Variants in XPNPEP3 observed in about 807,000 individuals in gnomAD.
XPNPEP3 encodes the protein xaa-Pro aminopeptidase 3.
Under a neutral mutation model 60.0 loss-of-function variants are expected in XPNPEP3, and 41 were observed. That is an observed-to-expected ratio of 0.68 (90% CI 0.53 to 0.89). The LOEUF is 0.89. XPNPEP3 is among the 40% of genes least tolerant of loss of function. The pLI, the probability that XPNPEP3 is intolerant of heterozygous loss-of-function variation, is 0.00. For synonymous variants in XPNPEP3, 212 were observed against 223.2 expected (o/e 0.95, Z 0.45); for missense variants, 598 against 638.9 (o/e 0.94, Z 0.69).
intron 7 of XPNPEP3, among the ~76,000 whole-genome samples, chr22:40,918,681 C>T (rs1482279752): frequency 6.7e-6 from 1 of 150,276 alleles, no homozygotes; most frequent in Non-Finnish European, 1.5e-5. Context: ...GAGACTCCAT[C>T]TCAAAAAAAA....
At chr22:40,905,148 C>T (rs1021923343) in intron 4 of XPNPEP3, among the ~76,000 whole-genome samples, 10 of 151,312 alleles carry the variant, frequency 6.6e-5, no homozygotes, top group Admixed American at 1.3e-4. Flanking sequence ...GGCATAATCT[C>T]GGCTCACTGC....
chr22:40,914,918 C>T (rs1224553487), intron 7 of XPNPEP3, among the ~76,000 whole-genome samples: 6 of 151,914 alleles, frequency 3.9e-5, no homozygotes, highest in East Asian at 1.9e-4. Context: ...TGGGTGTTCA[C>T]GTGCAGGTAT....
intron 9 of XPNPEP3, among the ~76,000 whole-genome samples, chr22:40,924,881 C>A (rs1377604028): frequency 1.3e-5 from 2 of 152,086 alleles, no homozygotes; most frequent in Admixed American, 6.5e-5. Flanking sequence ...AAAAAAAGTC[C>A]AGTGTGGAAG....
chr22:40,861,149 G>A (rs371859969), intron 1 of XPNPEP3: 2 of 1,613,984 alleles, frequency 1.2e-6, no homozygotes, highest in Non-Finnish European at 1.7e-6. Flanking sequence ...CTCCTGCTGA[G>A]AAAATAGGGG....
chr22:40,889,958 C>T (rs929569681), intron 4 of XPNPEP3, among the ~76,000 whole-genome samples: 26 of 152,140 alleles, frequency 1.7e-4, no homozygotes, highest in African/African-American at 5.3e-4. Context: ...GTCCTTTGGC[C>T]TCCTTGATCC....
chr22:40,922,721 T>TACACAC (rs761542482), intron 8 of XPNPEP3, among the ~76,000 whole-genome samples: 17 of 145,386 alleles, frequency 1.2e-4, no homozygotes, highest in African/African-American at 1.9e-4. Flanking sequence ...TGTAGATATA[T>TACACAC]ACACACACAC....
At chr22:40,880,028 C>CAAAAAAA (rs963115248) in intron 2 of XPNPEP3, among the ~76,000 whole-genome samples, 3 of 52,858 alleles carry the variant, frequency 5.7e-5, no homozygotes, top group African/African-American at 1.5e-4. Flanking sequence ...CTCTGTCTCC[C>CAAAAAAA]AAAAAAAAAA....
intron 4 of XPNPEP3, among the ~76,000 whole-genome samples, chr22:40,889,784 A>C (rs918457170): frequency 6.6e-6 from 1 of 152,234 alleles, no homozygotes; most frequent in Non-Finnish European, 1.5e-5. Context: ...AAGTATTATC[A>C]CATCACTGCA....
intron 5 of XPNPEP3, 105 bp from the exon 6 acceptor site, chr22:40,909,017 G>T (rs2058166626): frequency 4.7e-6 from 4 of 855,198 alleles, no homozygotes; most frequent in South Asian, 1.4e-5. Context: ...TCCCAGTAAT[G>T]ACTTAAGATA....
chr22:40,885,247 A>G (rs2058064184), intron 3 of XPNPEP3, among the ~76,000 whole-genome samples: 1 of 152,200 alleles, frequency 6.6e-6, no homozygotes, highest in Non-Finnish European at 1.5e-5. Context: ...TTAGTCATAT[A>G]AAATATTCAG....
chr22:40,862,104 CTT>C, intron 1 of XPNPEP3: 1 of 1,502,612 alleles, frequency 6.7e-7, no homozygotes, highest in Non-Finnish European at 8.8e-7. Flanking sequence ...AATAGGTACA[CTT>C]TTATGTTAAA....
chr22:40,904,769 T>C (rs1274547916), intron 4 of XPNPEP3, among the ~76,000 whole-genome samples: 6 of 152,176 alleles, frequency 3.9e-5, no homozygotes, highest in African/African-American at 1.4e-4. Flanking sequence ...TTTTTTAATT[T>C]TTTTATTTTT....
At chr22:40,902,889 C>T (rs1162888269) in intron 4 of XPNPEP3, among the ~76,000 whole-genome samples, 2 of 152,122 alleles carry the variant, frequency 1.3e-5, no homozygotes, top group African/African-American at 4.8e-5. Flanking sequence ...TTTCTCCCTA[C>T]GTAAGGGCTT....
intron 6 of XPNPEP3, among the ~76,000 whole-genome samples, chr22:40,909,716 G>A: frequency 6.6e-6 from 1 of 151,738 alleles, no homozygotes; most frequent in East Asian, 1.9e-4. Flanking sequence ...AGTGAGCCGA[G>A]ATCACACAAC....
chr22:40,909,269 G>A, intron 6 of XPNPEP3, 34 bp downstream of exon 6: 1 of 1,549,182 alleles, frequency 6.5e-7, no homozygotes, highest in South Asian at 1.1e-5. Flanking sequence ...ACTCCCACTA[G>A]GTCCAGATAG....
At chr22:40,925,121 A>G (rs2058230331) in intron 9 of XPNPEP3, among the ~76,000 whole-genome samples, 1 of 152,198 alleles carries the variant, frequency 6.6e-6, no homozygotes. Context: ...GCAGAGAGAC[A>G]GGCAGACACA....
chr22:40,909,029 G>T, intron 5 of XPNPEP3, 93 bp from the exon 6 acceptor site: 1 of 929,616 alleles, frequency 1.1e-6, no homozygotes, highest in Non-Finnish European at 1.8e-6. Flanking sequence ...CTTAAGATAA[G>T]TACTGGTATG....
chr22:40,864,996 T>A (rs1339836830), intron 1 of XPNPEP3, among the ~76,000 whole-genome samples: 2 of 152,178 alleles, frequency 1.3e-5, no homozygotes, highest in African/African-American at 2.4e-5. Flanking sequence ...ATTCATATAG[T>A]TTGAAAAAAC....
intron 6 of XPNPEP3, among the ~76,000 whole-genome samples, chr22:40,911,298 C>T (rs181861097): frequency 6.6e-6 from 1 of 152,154 alleles, no homozygotes; most frequent in East Asian, 1.9e-4. Context: ...TCTGTGTTCA[C>T]GAGTGAGTTT....
Sources: allele counts gnomAD v4.1 joint callset (sites outside exome capture counted in the v4.1 genomes callset), GRCh38; gene constraint gnomAD v4.1.1; transcripts MANE v1.5; gene names NCBI Gene and HGNC (gene_info 2026-07-23, HGNC 2026-07-21).